Variants in TAFA2 observed in about 807,000 individuals in gnomAD.
TAFA2 encodes the protein TAFA chemokine like family member 2.
Under a neutral mutation model 18.8 loss-of-function variants are expected in TAFA2, and 7 were observed. That is an observed-to-expected ratio of 0.37 (90% CI 0.21 to 0.70). The LOEUF is 0.70. Among genes scored for constraint, TAFA2 ranks in the 30% least tolerant of loss-of-function variants. The probability of loss-of-function intolerance (pLI) is 0.53; values close to 1 mark genes in which losing one functional copy is unlikely to be tolerated. For missense variants in TAFA2, 122 were observed against 158.1 expected (o/e 0.77, Z 1.23); for synonymous variants, 60 against 54.2 (o/e 1.11, Z -0.47).
At chr12:62,215,902 A>G (rs1377623497) in intron 1 of TAFA2, among the ~76,000 whole-genome samples, 1 of 152,156 alleles carries the variant, frequency 6.6e-6, no homozygotes, top group Non-Finnish European at 1.5e-5. Context: ...ATGAAATTTT[A>G]TAAGAATTGC....
At chr12:61,964,395 C>T (rs1187659092) in intron 1 of TAFA2, among the ~76,000 whole-genome samples, 1 of 151,930 alleles carries the variant, frequency 6.6e-6, no homozygotes, top group South Asian at 2.1e-4. Flanking sequence ...CCTGAATTAT[C>T]TTCCTTCTAC....
In TAFA2 at chr12:61,906,356, A is replaced by T. The variant is rs570991861; in HGVS notation, c.-1-38930T>A. ...CATGATAGTGAATAAGTCTCACGAG[A>T]TCTGATGGTTTTATAAAGGGCAATT... is the stretch of plus-strand genomic sequence containing the variant. On this transcript the variant is annotated intron_variant, in intron 1 of 4. Transcript: ENST00000416284. Among the ~76,000 whole-genome samples the T allele has an allele frequency of 5.3e-5, 8 of 152,150 alleles. No individual in the cohort carries two copies. In the South Asian group the frequency reaches 1.7e-3, roughly 32 times the overall value.
chr12:62,084,604 C>T (rs1868379995), intron 1 of TAFA2, among the ~76,000 whole-genome samples: 1 of 152,072 alleles, frequency 6.6e-6, no homozygotes, highest in Non-Finnish European at 1.5e-5. Context: ...GGCTCATTCA[C>T]GTCTGCTGAT....
At chr12:61,862,602 C>T (rs1874174505) in intron 2 of TAFA2, among the ~76,000 whole-genome samples, 1 of 152,094 alleles carries the variant, frequency 6.6e-6, no homozygotes, top group Non-Finnish European at 1.5e-5. Context: ...TTGGTTCTTT[C>T]ATCTTCTACA....
intron 1 of TAFA2, among the ~76,000 whole-genome samples, chr12:61,948,676 G>A (rs935292485): frequency 6.6e-6 from 1 of 152,200 alleles, no homozygotes; most frequent in African/African-American, 2.4e-5. Flanking sequence ...AAAAGAGAAT[G>A]TATTGTAGTC....
chr12:61,879,215 T>A lies in TAFA2; in HGVS notation c.-1-11789A>T, dbSNP rs1874999127. On this transcript the variant is annotated intron_variant, in intron 1 of 4. Coordinates refer to ENST00000416284, the MANE Select transcript of TAFA2 (RefSeq NM_178539.5). ...CATTCTTCCAGCTTCAGGCCCAAAG[T>A]TCTTTCCATTAAAAGTCTGATAATG... 6 of 356,086 alleles carry A rather than the reference T, an allele frequency of 1.7e-5. No homozygotes were observed. In the East Asian group the frequency reaches 3.6e-4, roughly 22 times the overall value. The allele number at this position is 356,086 out of a possible 1,614,324, so 22.1% of individuals were successfully genotyped here. A position where few individuals can be genotyped will look rare whatever the true frequency, so the allele number is the denominator to read the frequency against.
chr12:61,829,865 G>A (rs1872653234), intron 2 of TAFA2, among the ~76,000 whole-genome samples: 2 of 151,632 alleles, frequency 1.3e-5, no homozygotes, highest in East Asian at 1.9e-4. Context: ...GAAGCCTTAA[G>A]AGAAAAATGT....
chr12:62,202,026 T>C (rs954412589), intron 1 of TAFA2, among the ~76,000 whole-genome samples: 5 of 152,226 alleles, frequency 3.3e-5, no homozygotes, highest in African/African-American at 1.2e-4. Flanking sequence ...TTTATTTGCA[T>C]AGATGTGTTT....
intron 1 of TAFA2, among the ~76,000 whole-genome samples, chr12:62,049,240 T>C (rs1024379619): frequency 4.6e-5 from 7 of 152,020 alleles, no homozygotes; most frequent in Non-Finnish European, 8.8e-5. Flanking sequence ...TAAATGAACA[T>C]TGAATAAAGA....
chr12:61,756,642 C>T (rs1004123262), intron 2 of TAFA2, among the ~76,000 whole-genome samples: 3 of 151,976 alleles, frequency 2.0e-5, no homozygotes, highest in African/African-American at 7.2e-5. Flanking sequence ...ATAATAAGCA[C>T]CCACGGTAAT....
intron 1 of TAFA2, among the ~76,000 whole-genome samples, chr12:61,910,678 T>A (rs1035773122): frequency 4.6e-5 from 7 of 152,160 alleles, no homozygotes; most frequent in Non-Finnish European, 8.8e-5. Context: ...TCAAAATAAC[T>A]AAGGAGGAGC....
At chr12:61,843,969 G>C (rs1414807546) in intron 2 of TAFA2, among the ~76,000 whole-genome samples, 4 of 152,082 alleles carry the variant, frequency 2.6e-5, no homozygotes, top group African/African-American at 9.7e-5. Context: ...CTTGGAAAGA[G>C]AAAATGTACA....
chr12:61,929,010 G>T (rs923761955), intron 1 of TAFA2, among the ~76,000 whole-genome samples: 8 of 152,096 alleles, frequency 5.3e-5, no homozygotes, highest in Non-Finnish European at 1.0e-4. Context: ...GCCTGTTGGG[G>T]GGTGAGGAAC....
chr12:62,109,109 T>C (rs1869602973), intron 1 of TAFA2, among the ~76,000 whole-genome samples: 1 of 152,214 alleles, frequency 6.6e-6, no homozygotes. Context: ...TTTTATGGTT[T>C]TAGGTTTTAC....
At chr12:61,988,893 A>G (rs2136685828) in intron 1 of TAFA2, among the ~76,000 whole-genome samples, 1 of 152,250 alleles carries the variant, frequency 6.6e-6, no homozygotes, top group East Asian at 1.9e-4. Context: ...TTAGGGATAC[A>G]ATTTTCATCT....
At chr12:61,808,034 G>A (rs530989776) in intron 2 of TAFA2, among the ~76,000 whole-genome samples, 1 of 151,664 alleles carries the variant, frequency 6.6e-6, no homozygotes, top group African/African-American at 2.4e-5. Context: ...AGGCAAGATT[G>A]GTTTTCAAAT....
intron 1 of TAFA2, among the ~76,000 whole-genome samples, chr12:61,920,774 C>T (rs1425080088): frequency 1.3e-5 from 2 of 151,680 alleles, no homozygotes; most frequent in African/African-American, 2.4e-5. Flanking sequence ...CCCTATGCTA[C>T]ATACAATGTA....
intron 1 of TAFA2, chr12:61,878,095 T>C (rs532769458): frequency 2.6e-5 from 12 of 455,378 alleles, no homozygotes; most frequent in African/African-American, 2.0e-4. Flanking sequence ...ATACCTAGAA[T>C]AGTCAAATTC....
intron 1 of TAFA2, among the ~76,000 whole-genome samples, chr12:62,183,490 C>A (rs564225479): frequency 6.6e-6 from 1 of 152,256 alleles, no homozygotes; most frequent in Non-Finnish European, 1.5e-5. Flanking sequence ...CTCAAGCAAA[C>A]CTCCCACCTC....
Sources: allele counts gnomAD v4.1 joint callset (sites outside exome capture counted in the v4.1 genomes callset), GRCh38; gene constraint gnomAD v4.1.1; transcripts MANE v1.5; gene names NCBI Gene and HGNC (gene_info 2026-07-23, HGNC 2026-07-21).